ATP13A5: variants seen among roughly 807,000 people sequenced by gnomAD.
ATP13A5 encodes ATPase 13A5.
ATP13A5 carries 149 observed loss-of-function variants against 150.2 expected under a neutral mutation model. The ratio of observed to expected loss-of-function variants is 0.99; its 90% confidence interval spans 0.87 to 1.14. The LOEUF (loss-of-function observed/expected upper bound fraction) is 1.14, where lower values mean the gene tolerates loss of function less well. ATP13A5 is among the 50% of genes most tolerant of loss of function. The probability of loss-of-function intolerance (pLI) is 0.00; values close to 1 mark genes in which losing one functional copy is unlikely to be tolerated. For missense variants in ATP13A5, 1,383 were observed against 1,449.3 expected (o/e 0.95, Z 0.74); for synonymous variants, 497 against 522.2 (o/e 0.95, Z 0.66).
At chr3:193,368,519 C>A (rs1713330631) in intron 1 of ATP13A5, among the ~76,000 whole-genome samples, 1 of 151,642 alleles carries the variant, frequency 6.6e-6, no homozygotes, top group South Asian at 2.1e-4. Flanking sequence ...AAGAATTATG[C>A]CACCAGAAGT....
Position 193,331,154 on chromosome 3 carries a change from C to T in ATP13A5, c.1430G>A (p.Cys477Tyr), listed in dbSNP as rs759446071. ...AAAGCACACGAGGTTTATTTGCCCA[C>T]ACATGTTGATTCTCTGTGGGGAGAT... Reference protein sequence around the residue: ...FCISPQRINMCGQINLVCFDK... With the variant: ...FCISPQRINMYGQINLVCFDK... The change falls in exon 12 of 30, where the codon TGT becomes TAT. Residue 477 changes from cysteine (C) to tyrosine (Y), a missense_variant. Physicochemically the swap from Cys to Tyr is radical, Grantham distance 194. Transcript: ENST00000342358. 2 of 1,614,042 alleles carry T rather than the reference C, an allele frequency of 1.2e-6. No individual in the cohort carries two copies. Among genetic ancestry groups the T allele is most frequent in the South Asian group, 1.1e-5 (1 of 91,048 alleles).
chr3:193,309,194 G>T (rs78624341), intron 21 of ATP13A5, among the ~76,000 whole-genome samples: 1 of 152,146 alleles, frequency 6.6e-6, no homozygotes, highest in Non-Finnish European at 1.5e-5. Flanking sequence ...ATTTTTGAAG[G>T]GGGTAATAAA....
At chr3:193,284,032 A>T (rs538962321) in intron 27 of ATP13A5, among the ~76,000 whole-genome samples, 16 of 149,346 alleles carry the variant, frequency 1.1e-4, no homozygotes, top group South Asian at 2.1e-4. Context: ...TATTATTATT[A>T]TTTTTTGAGA....
rs560254165 is a variant in ATP13A5, at chr3:193,302,287, A to G, written c.2679-980T>C. On this transcript the variant is annotated intron_variant, in intron 23 of 29. Transcript: ENST00000342358. ...AGAAGGCAAGGGTGGGAGAGAGGCC[A>G]GGATATTTTGGGAAGATATTTTCTA... Among the ~76,000 whole-genome samples the G allele has an allele frequency of 2.0e-5, 3 of 152,322 alleles. No homozygotes were observed. In the East Asian group the frequency reaches 5.8e-4, roughly 29 times the overall value.
intron 9 of ATP13A5, among the ~76,000 whole-genome samples, chr3:193,341,276 G>A (rs988207546): frequency 2.0e-5 from 3 of 152,078 alleles, no homozygotes; most frequent in East Asian, 1.9e-4. Flanking sequence ...AGAGAAGGAC[G>A]GGGGAGTTGA....
intron 13 of ATP13A5, among the ~76,000 whole-genome samples, chr3:193,326,742 T>C (rs1180801051): frequency 6.6e-6 from 1 of 152,232 alleles, no homozygotes; most frequent in Non-Finnish European, 1.5e-5. Flanking sequence ...TTTTTCTCTG[T>C]TTTATTCATT....
Position 193,290,006 on chromosome 3 carries a change from G to T in ATP13A5, c.2902C>A (p.Leu968Ile). The change falls in exon 26 of 30, where the codon CTC becomes ATC. Residue 968 changes from leucine (L) to isoleucine (I), a missense_variant. Physicochemically the swap from Leu to Ile is conservative, Grantham distance 5. Transcript: ENST00000342358. ...GAAAGCAGTAAAGGGGGAGAAAGGA[G>T]CTGTCCTGCTGGTCTATATGGAGCC... Reference protein sequence around the residue: ...KLAPYRPAGQLLSPPLLLSIF... With the variant: ...KLAPYRPAGQILSPPLLLSIF... 1 of 1,612,866 alleles carries T rather than the reference G, an allele frequency of 6.2e-7. No homozygotes were observed. Among genetic ancestry groups the T allele is most frequent in the Non-Finnish European group, 8.5e-7 (1 of 1,179,232 alleles).
At position 193,331,326 on chromosome 3, in the gene ATP13A5, A is replaced by T; in HGVS notation, c.1273-15T>A. ...TTTGGAGGAACCTGGGAGAGGACAG[A>T]CATTTTCATACAGGATAGCCCAGCA... On this transcript the variant is annotated splice_polypyrimidine_tract_variant and intron_variant, in intron 11 of 29. Transcript: ENST00000342358. 2 of 1,608,080 alleles carry T rather than the reference A, an allele frequency of 1.2e-6. No individual in the cohort carries two copies. Among genetic ancestry groups the T allele is most frequent in the Non-Finnish European group, 1.7e-6 (2 of 1,177,916 alleles).
intron 1 of ATP13A5, among the ~76,000 whole-genome samples, chr3:193,373,451 G>C (rs887196551): frequency 3.7e-4 from 8 of 21,876 alleles, no homozygotes; most frequent in African/African-American, 1.7e-3. Context: ...GGCAATTCTT[G>C]ATTTTTTTTT....
chr3:193,374,078 T>C (rs1215107193), intron 1 of ATP13A5, among the ~76,000 whole-genome samples: 1 of 152,142 alleles, frequency 6.6e-6, no homozygotes, highest in Non-Finnish European at 1.5e-5. Context: ...AAATGCAGCC[T>C]GTGGTCACGG....
Position 193,274,977 on chromosome 3 carries a change from C to T in ATP13A5, c.*65G>A. The T allele has an allele frequency of 1.3e-6, 2 of 1,584,144 alleles. No homozygotes were observed. The highest frequency in any genetic ancestry group is 1.7e-4 in the Middle Eastern group (1 of 5,808). The stretch of plus-strand genomic sequence containing the variant: ...AGGTAAGGGGAGAGTATCATCACTT[C>T]TCCACAATGTGTTAATTTTGGGGAA... On this transcript the variant is annotated 3_prime_UTR_variant, in exon 30 of 30. Transcript: ENST00000342358.
intron 6 of ATP13A5, among the ~76,000 whole-genome samples, chr3:193,353,378 C>T (rs1296423999): frequency 6.7e-6 from 1 of 149,470 alleles, no homozygotes; most frequent in African/African-American, 2.5e-5. Context: ...AAAAATAAAA[C>T]ACTAACAAAG....
At chr3:193,374,279 C>T (rs1713555764) in intron 1 of ATP13A5, among the ~76,000 whole-genome samples, 1 of 87,044 alleles carries the variant, frequency 1.1e-5, no homozygotes, top group Admixed American at 1.2e-4. Context: ...TGTATTTGCA[C>T]ACACACACAC....
intron 1 of ATP13A5, chr3:193,372,269 C>T (rs1713469718): frequency 7.9e-6 from 1 of 127,242 alleles, no homozygotes. Flanking sequence ...TTCACTCCAG[C>T]CTGGGCAAGA....
rs188620572 is a variant in ATP13A5, at chr3:193,338,912, G to T, written c.944-3813C>A. On this transcript the variant is annotated intron_variant, in intron 9 of 29. Coordinates refer to ENST00000342358, the MANE Select transcript of ATP13A5 (RefSeq NM_198505.4). ...TATTAATTATTGCCTTAATTTCAGA[G>T]CCTGTTATTTGTCTATTCAGGGATT... Among the ~76,000 whole-genome samples the T allele has an allele frequency of 8.4e-3, 1,271 of 152,160 alleles. 22 individuals carry two copies. The highest frequency in any genetic ancestry group is 0.029 in the African/African-American group (1,187 of 41,516).
chr3:193,366,773 G>T (rs1236930832), intron 1 of ATP13A5, among the ~76,000 whole-genome samples: 2 of 151,872 alleles, frequency 1.3e-5, no homozygotes, highest in Non-Finnish European at 2.9e-5. Context: ...GAAAATTACA[G>T]CCAACAACTG....
At chr3:193,322,366 C>T (rs988347264) in intron 15 of ATP13A5, 125 bp downstream of exon 15, 2 of 763,858 alleles carry the variant, frequency 2.6e-6, no homozygotes, top group East Asian at 2.5e-5. Flanking sequence ...AAAGAAACAG[C>T]AAACCAACCG....
intron 29 of ATP13A5, among the ~76,000 whole-genome samples, chr3:193,276,381 GAAGGCAGTTCTTCACTCTAAA>G (rs1180165422): frequency 6.6e-6 from 1 of 152,186 alleles, no homozygotes; most frequent in Non-Finnish European, 1.5e-5. Context: ...AAACCCTGCG[GAAGGCAGTTCTTCACTCTAAA>G]AAGTCTCTTT....
rs977348090 is a variant in ATP13A5, at chr3:193,289,835, G to A, written c.3023+50C>T. The A allele has an allele frequency of 4.7e-6, 7 of 1,495,312 alleles. No individual in the cohort carries two copies. The Admixed American group carries it at 8.8e-5, about 19-fold the overall frequency. The allele number at this position is 1,495,312 out of a possible 1,614,324, so 92.6% of individuals were successfully genotyped here. On this transcript the variant is annotated intron_variant, in intron 26 of 29. Transcript: ENST00000342358. ...CAAGCCAAGTTATGCAATGTCATTGGATATTTATTAAATTACCTTTCGAAA... is the reference window on the plus strand; with the variant it reads ...CAAGCCAAGTTATGCAATGTCATTGAATATTTATTAAATTACCTTTCGAAA...
Sources: allele counts gnomAD v4.1 joint callset (sites outside exome capture counted in the v4.1 genomes callset), GRCh38; gene constraint gnomAD v4.1.1; transcripts MANE v1.5; gene names NCBI Gene and HGNC (gene_info 2026-07-23, HGNC 2026-07-21).